The following ALK variants were observed in gnomAD, a reference collection of about 807,000 sequenced individuals.
The protein encoded by ALK is ALK tyrosine kinase receptor.
ALK carries 74 observed loss-of-function variants against 163.1 expected under a neutral mutation model. The ratio of observed to expected loss-of-function variants is 0.45; its 90% CI spans 0.38 to 0.55. ALK has a LOEUF of 0.55. ALK is among the 20% of genes least tolerant of loss of function. The pLI is 0.00. For missense variants in ALK, 2,063 were observed against 2,105.3 expected (o/e 0.98, Z 0.39); for synonymous variants, 960 against 843.2 (o/e 1.14, Z -2.40).
chr2:29,534,926 A>C (rs1673213349), intron 3 of ALK, among the ~76,000 whole-genome samples: 1 of 152,220 alleles, frequency 6.6e-6, no homozygotes, highest in Non-Finnish European at 1.5e-5. Context: ...ACTATCAATA[A>C]GCGACTGAGC....
chr2:29,235,597 C>T (rs536490128), intron 13 of ALK, among the ~76,000 whole-genome samples: 31 of 152,162 alleles, frequency 2.0e-4, no homozygotes, highest in African/African-American at 7.2e-4. Context: ...CTGGCACAGG[C>T]GTGAGTTGCA....
At chr2:29,627,280 A>C (rs1307103184) in intron 3 of ALK, among the ~76,000 whole-genome samples, 1 of 152,204 alleles carries the variant, frequency 6.6e-6, no homozygotes, top group African/African-American at 2.4e-5. Context: ...CCCTCTACAC[A>C]GTACCCAGAG....
chr2:29,392,984 A>AAGGTCACTGAATGTTCG (rs1669214511), intron 4 of ALK, among the ~76,000 whole-genome samples: 2 of 151,912 alleles, frequency 1.3e-5, no homozygotes, highest in Admixed American at 6.5e-5. Flanking sequence ...CTCAAAGTTC[A>AAGGTCACTGAATGTTCG]AGGTCACTGA....
At chr2:29,818,526 G>A (rs1230868940) in intron 1 of ALK, among the ~76,000 whole-genome samples, 1 of 152,248 alleles carries the variant, frequency 6.6e-6, no homozygotes, top group African/African-American at 2.4e-5. Flanking sequence ...GGTTTTCCAC[G>A]CTGGCCCAGC....
intron 1 of ALK, among the ~76,000 whole-genome samples, chr2:29,770,861 A>G (rs929139060): frequency 2.0e-5 from 3 of 151,950 alleles, no homozygotes; most frequent in Admixed American, 2.0e-4. Context: ...TCACACACAC[A>G]GTCTCACAGT....
At chr2:29,340,809 C>T (rs1470738649) in intron 5 of ALK, among the ~76,000 whole-genome samples, 2 of 152,216 alleles carry the variant, frequency 1.3e-5, no homozygotes, top group Non-Finnish European at 2.9e-5. Context: ...ACCTTCTCAG[C>T]AAGGCCTTCC....
chr2:29,891,121 G>T (rs1558535987), intron 1 of ALK: 1 of 152,212 alleles, frequency 6.6e-6, no homozygotes, highest in Admixed American at 6.5e-5. Flanking sequence ...AAACCTAATG[G>T]ATGCTTTATA....
At chr2:29,598,005 G>A (rs929476004) in intron 3 of ALK, among the ~76,000 whole-genome samples, 1 of 152,186 alleles carries the variant, frequency 6.6e-6, no homozygotes, top group Non-Finnish European at 1.5e-5. Context: ...CTCACTTTGT[G>A]GAGGGGAAAA....
chr2:29,450,101 C>G (rs982384449), intron 4 of ALK, among the ~76,000 whole-genome samples: 2 of 152,066 alleles, frequency 1.3e-5, no homozygotes, highest in African/African-American at 2.4e-5. Flanking sequence ...GACAGTAGGG[C>G]TCCTGTGACC....
intron 3 of ALK, among the ~76,000 whole-genome samples, chr2:29,543,470 C>T (rs1353314686): frequency 1.3e-5 from 2 of 152,212 alleles, no homozygotes; most frequent in Admixed American, 6.5e-5. Context: ...GGGCACGTCA[C>T]CCTGAGTATG....
chr2:29,316,573 G>A (rs1387649371), intron 8 of ALK, among the ~76,000 whole-genome samples: 3 of 152,068 alleles, frequency 2.0e-5, no homozygotes, highest in South Asian at 2.1e-4. Context: ...TAAACCCAGC[G>A]AAGAGTAAAT....
At chr2:29,430,605 C>T (rs573176939) in intron 4 of ALK, among the ~76,000 whole-genome samples, 3 of 152,206 alleles carry the variant, frequency 2.0e-5, no homozygotes, top group Admixed American at 2.0e-4. Context: ...CCACTCATGC[C>T]CTAGAGCAAC....
intron 4 of ALK, among the ~76,000 whole-genome samples, chr2:29,426,055 C>T (rs767904136): frequency 6.6e-6 from 1 of 152,144 alleles, no homozygotes; most frequent in Non-Finnish European, 1.5e-5. Flanking sequence ...AGAGCTTTGC[C>T]AAAAACAATG....
At position 29,223,419 on chromosome 2, in the gene ALK, G is replaced by C. The variant is rs187005015; in HGVS notation, c.3282C>G (p.Pro1094=). ...AGGTCTTGCCAGCAAAGCAGTAGTT[G>C]GGGTTGTAGTCGGTCATGATGGTCG... The part of the protein sequence containing the change: ...RTSTIMTDYN[P]NYCFAGKTSS... The change falls in exon 20 of 29, where the codon CCC becomes CCG. Residue 1094 remains proline (P), a synonymous_variant. Coordinates refer to ENST00000389048, the MANE Select transcript of ALK (RefSeq NM_004304.5). 2.4e-5 allele frequency: 39 copies of C among 1,614,188 alleles called. No individual in the cohort carries two copies. Among genetic ancestry groups the C allele is most frequent in the Non-Finnish European group, 3.3e-5 (39 of 1,180,040 alleles).
At chr2:29,587,340 G>A (rs956467012) in intron 3 of ALK, among the ~76,000 whole-genome samples, 2 of 152,060 alleles carry the variant, frequency 1.3e-5, no homozygotes, top group Non-Finnish European at 2.9e-5. Context: ...GACTGGCATA[G>A]GCTGTAAGCT....
chr2:29,679,364 TC>T (rs2148277397), intron 3 of ALK, among the ~76,000 whole-genome samples: 1 of 151,994 alleles, frequency 6.6e-6, no homozygotes, highest in East Asian at 1.9e-4. Context: ...TCCTTTTTTT[TC>T]AGCACTGAAT....
intron 1 of ALK, among the ~76,000 whole-genome samples, chr2:29,833,814 C>T (rs1665485843): frequency 6.6e-6 from 1 of 152,228 alleles, no homozygotes; most frequent in Non-Finnish European, 1.5e-5. Flanking sequence ...CATCTCCTTT[C>T]TTGAAAAATT....
intron 2 of ALK, among the ~76,000 whole-genome samples, chr2:29,712,503 A>T (rs1679130605): frequency 1.3e-5 from 2 of 152,160 alleles, no homozygotes; most frequent in African/African-American, 4.8e-5. Flanking sequence ...AGCCACATTA[A>T]ATACGTAATT....
At chr2:29,734,966 GTAATAATTGAC>G (rs1157098954) in intron 1 of ALK, among the ~76,000 whole-genome samples, 1 of 152,108 alleles carries the variant, frequency 6.6e-6, no homozygotes, top group Admixed American at 6.6e-5. Context: ...TAATAATAAT[GTAATAATTGAC>G]TAACAATGAG....
Sources: allele counts gnomAD v4.1 joint callset (sites outside exome capture counted in the v4.1 genomes callset), GRCh38; gene constraint gnomAD v4.1.1; transcripts MANE v1.5; gene names NCBI Gene and HGNC (gene_info 2026-07-23, HGNC 2026-07-21).